Variants in LRP1B observed in about 807,000 individuals in gnomAD.
LRP1B encodes LDL receptor related protein 1B.
Under a neutral mutation model 556.6 loss-of-function variants are expected in LRP1B, and 217 were observed. The ratio of observed to expected loss-of-function variants is 0.39; its 90% confidence interval spans 0.35 to 0.44. LRP1B has a LOEUF of 0.44. LRP1B is among the 20% of genes least tolerant of loss of function. LRP1B has a pLI of 1.00. For synonymous variants in LRP1B, 2,047 were observed against 1,865.8 expected, an observed-to-expected ratio of 1.10 and a Z score of -2.50; for missense variants, 5,053 against 5,620.8, an observed-to-expected ratio of 0.90 and a Z score of 3.23.
At chr2:141,873,552 G>GA (rs963189365) in intron 1 of LRP1B, among the ~76,000 whole-genome samples, 85 of 151,832 alleles carry the variant, frequency 5.6e-4, no homozygotes, top group African/African-American at 1.6e-3. Flanking sequence ...TTCATAATTA[G>GA]AAAAAAATAA....
chr2:140,376,247 A>C (rs1683223461), intron 68 of LRP1B, among the ~76,000 whole-genome samples: 1 of 152,190 alleles, frequency 6.6e-6, no homozygotes, highest in Non-Finnish European at 1.5e-5. Flanking sequence ...CATGGTAATA[A>C]GGATATCTAC....
At chr2:140,259,929 A>G (rs1283847902) in intron 86 of LRP1B, among the ~76,000 whole-genome samples, 1 of 151,954 alleles carries the variant, frequency 6.6e-6, no homozygotes, top group Non-Finnish European at 1.5e-5. Context: ...CTGCCCCCAC[A>G]CACACAGATG....
chr2:142,057,884 C>T (rs576660094), intron 1 of LRP1B, among the ~76,000 whole-genome samples: 3 of 152,232 alleles, frequency 2.0e-5, no homozygotes, highest in African/African-American at 7.2e-5. Flanking sequence ...CTTGGACACC[C>T]TTGTGTCTCT....
At chr2:141,014,384 T>C (rs1178351487) in intron 13 of LRP1B, among the ~76,000 whole-genome samples, 6 of 152,084 alleles carry the variant, frequency 3.9e-5, no homozygotes. Context: ...TCTAGTTATA[T>C]TGTTTTGTTG....
intron 17 of LRP1B, among the ~76,000 whole-genome samples, chr2:140,983,106 G>A (rs1696819857): frequency 6.6e-6 from 1 of 152,040 alleles, no homozygotes; most frequent in Admixed American, 6.6e-5. Context: ...AGCTTAAATA[G>A]CTTCCCTGCC....
At chr2:141,334,240 C>T (rs140537363) in intron 3 of LRP1B, among the ~76,000 whole-genome samples, 2 of 152,308 alleles carry the variant, frequency 1.3e-5, no homozygotes, top group Middle Eastern at 3.4e-3. Context: ...TGGGAAGTGA[C>T]TGGATCATGT....
chr2:142,091,828 G>T (rs2104950890), intron 1 of LRP1B, among the ~76,000 whole-genome samples: 1 of 152,300 alleles, frequency 6.6e-6, no homozygotes, highest in South Asian at 2.1e-4. Flanking sequence ...GGATGAGCAT[G>T]TGACCCAATT....
intron 47 of LRP1B, among the ~76,000 whole-genome samples, chr2:140,532,910 G>A (rs1008784676): frequency 5.1e-5 from 3 of 58,294 alleles, no homozygotes; most frequent in Non-Finnish European, 4.3e-5. Context: ...GTGTTCTTAC[G>A]TGTGCAATCA....
intron 31 of LRP1B, among the ~76,000 whole-genome samples, chr2:140,817,235 T>C (rs1488880958): frequency 6.6e-6 from 1 of 152,112 alleles, no homozygotes; most frequent in East Asian, 1.9e-4. Flanking sequence ...GTCTCATTTT[T>C]ATAAGACATA....
At chr2:141,277,192 C>G (rs1467234169) in intron 3 of LRP1B, among the ~76,000 whole-genome samples, 1 of 151,360 alleles carries the variant, frequency 6.6e-6, no homozygotes, top group East Asian at 1.9e-4. Flanking sequence ...AGTTCTGTTT[C>G]AAGCTATTTG....
At chr2:140,692,762 A>G (rs2105402495) in intron 41 of LRP1B, among the ~76,000 whole-genome samples, 1 of 152,016 alleles carries the variant, frequency 6.6e-6, no homozygotes, top group South Asian at 2.1e-4. Context: ...TTAAATTTCT[A>G]CATAGCTTCT....
intron 3 of LRP1B, among the ~76,000 whole-genome samples, chr2:141,454,253 T>C (rs913324544): frequency 1.3e-5 from 2 of 152,210 alleles, no homozygotes; most frequent in Non-Finnish European, 2.9e-5. Flanking sequence ...GATAATGAGT[T>C]AGACATCCCA....
At chr2:140,729,763 G>A (rs538047557) in intron 35 of LRP1B, among the ~76,000 whole-genome samples, 1 of 152,246 alleles carries the variant, frequency 6.6e-6, no homozygotes, top group South Asian at 2.1e-4. Context: ...AACCTATATT[G>A]GGGGTACATT....
rs558462686 is a variant in LRP1B at position 141,468,061 on chromosome 2, T to C, written c.343+12335A>G. Among the ~76,000 whole-genome samples, 5 of 152,090 alleles carry C rather than the reference T, an allele frequency of 3.3e-5. No homozygotes were observed. In the South Asian group the frequency reaches 8.3e-4, roughly 25 times the overall value. On this transcript the variant is annotated intron_variant, in intron 3 of 90. Transcript: ENST00000389484. ...CTAGTAGGGGTATGAAACTTATACA[T>C]GGGAAGAAAAGACAAATTAAACCAA...
chr2:140,807,328 T>A (rs1250410780), intron 32 of LRP1B, among the ~76,000 whole-genome samples: 2 of 152,088 alleles, frequency 1.3e-5, no homozygotes, highest in Non-Finnish European at 2.9e-5. Flanking sequence ...GAAGTTTTTT[T>A]AAATTTGTGT....
chr2:141,832,178 A>C (rs950100084), intron 1 of LRP1B, among the ~76,000 whole-genome samples: 1 of 151,628 alleles, frequency 6.6e-6, no homozygotes, highest in Non-Finnish European at 1.5e-5. Flanking sequence ...ATTTTTAAAA[A>C]ATCTTTCTTC....
At chr2:141,180,691 G>A (rs1289881816) in intron 7 of LRP1B, among the ~76,000 whole-genome samples, 1 of 151,798 alleles carries the variant, frequency 6.6e-6, no homozygotes, top group African/African-American at 2.4e-5. Flanking sequence ...TTTATAAAAT[G>A]TTGCCAAAAA....
At chr2:141,226,267 CT>C (rs924561128) in intron 6 of LRP1B, among the ~76,000 whole-genome samples, 1 of 152,104 alleles carries the variant, frequency 6.6e-6, no homozygotes. Context: ...CTTCTGCATT[CT>C]TTTTAGCCAT....
At chr2:141,515,687 A>G (rs1250686624) in intron 2 of LRP1B, among the ~76,000 whole-genome samples, 1 of 152,206 alleles carries the variant, frequency 6.6e-6, no homozygotes, top group African/African-American at 2.4e-5. Flanking sequence ...TCATAAAGAT[A>G]TGTATGTATT....
Sources: allele counts gnomAD v4.1 joint callset (sites outside exome capture counted in the v4.1 genomes callset), GRCh38; gene constraint gnomAD v4.1.1; transcripts MANE v1.5; gene names NCBI Gene and HGNC (gene_info 2026-07-23, HGNC 2026-07-21).